The following PPP2R2B variants were observed in gnomAD, a reference collection of about 807,000 sequenced individuals.
The protein encoded by PPP2R2B is protein phosphatase 2 regulatory subunit Bbeta.
PPP2R2B carries 5 observed loss-of-function variants against 46.0 expected under a neutral mutation model. The ratio of observed to expected loss-of-function variants is 0.11; its 90% CI spans 0.06 to 0.23. The LOEUF is 0.23. Ranked by LOEUF, PPP2R2B falls within the 10% of genes least tolerant of loss-of-function variation. The pLI is 1.00. For synonymous variants in PPP2R2B, 215 were observed against 206.7 expected, an observed-to-expected ratio of 1.04 and a Z score of -0.34; for missense variants, 367 against 575.0, an observed-to-expected ratio of 0.64 and a Z score of 3.70.
intron 7 of PPP2R2B, among the ~76,000 whole-genome samples, chr5:146,628,256 A>C (rs1774193758): frequency 6.6e-6 from 1 of 152,164 alleles, no homozygotes. Context: ...AACATCTCAG[A>C]TTTTAAGGTC....
chr5:146,619,101 C>T (rs1409099987), intron 7 of PPP2R2B, among the ~76,000 whole-genome samples: 3 of 152,096 alleles, frequency 2.0e-5, no homozygotes, highest in Non-Finnish European at 2.9e-5. Context: ...CCATCTACTA[C>T]TCATTTGCAC....
At chr5:147,054,628 T>A (rs1561602702) in intron 1 of PPP2R2B, 1 of 456,248 alleles carries the variant, frequency 2.2e-6, no homozygotes, top group Admixed American at 2.3e-5. Flanking sequence ...TCCTTCATTA[T>A]AAACACACAG....
chr5:146,689,981 A>G (rs1170428398), intron 5 of PPP2R2B, among the ~76,000 whole-genome samples: 1 of 152,260 alleles, frequency 6.6e-6, no homozygotes, highest in African/African-American at 2.4e-5. Context: ...TAACTGCTGA[A>G]TAAGCAGATG....
rs1393209497 is a variant in PPP2R2B at position 146,707,156 on chromosome 5, T to A, written c.71-6014A>T. 15 of 1,595,990 alleles carry A rather than the reference T, an allele frequency of 9.4e-6. No homozygotes were observed. In the South Asian group the frequency reaches 1.4e-4, roughly 15 times the overall value. On this transcript the variant is annotated intron_variant, in intron 2 of 9. Transcript: ENST00000394411. ...AGCTTCAGCTTCTCCTGGCCCAGAG[T>A]CTCCAGCTGCCGCCTAAGGCTGTTG...
intron 1 of PPP2R2B, among the ~76,000 whole-genome samples, chr5:147,002,361 T>C (rs1001867910): frequency 6.6e-6 from 1 of 152,086 alleles, no homozygotes; most frequent in African/African-American, 2.4e-5. Flanking sequence ...ATCCTTCTGT[T>C]CATATAAGTG....
chr5:146,845,132 G>T (rs1401259177), intron 2 of PPP2R2B, among the ~76,000 whole-genome samples: 1 of 151,974 alleles, frequency 6.6e-6, no homozygotes, highest in African/African-American at 2.4e-5. Context: ...TCTTCTACTT[G>T]ATTAGCTTTC....
At chr5:146,725,217 C>T (rs528114550) in intron 2 of PPP2R2B, among the ~76,000 whole-genome samples, 2 of 152,146 alleles carry the variant, frequency 1.3e-5, no homozygotes, top group East Asian at 1.9e-4. Flanking sequence ...TTTGAGTACC[C>T]GACTGTATTT....
At chr5:146,917,575 G>T (rs1018476567) in intron 1 of PPP2R2B, among the ~76,000 whole-genome samples, 2 of 152,182 alleles carry the variant, frequency 1.3e-5, no homozygotes, top group African/African-American at 2.4e-5. Flanking sequence ...ACAATTAATG[G>T]TAGAGTTGGT....
intron 7 of PPP2R2B, among the ~76,000 whole-genome samples, chr5:146,630,402 C>G (rs1774347333): frequency 6.6e-6 from 1 of 152,178 alleles, no homozygotes; most frequent in Admixed American, 6.5e-5. Flanking sequence ...AAAGTATGGT[C>G]CTTAAAGGCA....
chr5:146,755,060 A>T (rs1407398329), intron 2 of PPP2R2B, among the ~76,000 whole-genome samples: 4 of 152,186 alleles, frequency 2.6e-5, no homozygotes, highest in Admixed American at 1.3e-4. Context: ...ATAAACATAA[A>T]TTTTTAAATA....
At chr5:146,885,823 A>G (rs969651858) in intron 1 of PPP2R2B, among the ~76,000 whole-genome samples, 1 of 152,230 alleles carries the variant, frequency 6.6e-6, no homozygotes, top group Non-Finnish European at 1.5e-5. Flanking sequence ...ACATGCCACA[A>G]CATAGATGAA....
chr5:146,601,101 C>G (rs189022241), intron 7 of PPP2R2B, among the ~76,000 whole-genome samples: 1 of 152,160 alleles, frequency 6.6e-6, no homozygotes, highest in Admixed American at 6.5e-5. Context: ...TCATCCATGT[C>G]GTAGCATGTA....
intron 2 of PPP2R2B, among the ~76,000 whole-genome samples, chr5:146,721,947 C>A (rs1780829567): frequency 1.3e-5 from 2 of 152,190 alleles, no homozygotes; most frequent in Admixed American, 1.3e-4. Context: ...GATATGCATA[C>A]CCACACAGCA....
intron 1 of PPP2R2B, among the ~76,000 whole-genome samples, chr5:146,970,632 CAGA>C (rs2151848064): frequency 6.6e-6 from 1 of 152,030 alleles, no homozygotes; most frequent in South Asian, 2.1e-4. Context: ...AAGGGAAGAC[CAGA>C]AGGTTAGACC....
intron 2 of PPP2R2B, among the ~76,000 whole-genome samples, chr5:146,723,047 T>A (rs1751625435): frequency 6.6e-6 from 1 of 152,220 alleles, no homozygotes; most frequent in African/African-American, 2.4e-5. Context: ...TTGACTTTCC[T>A]ATTCTGGGTT....
intron 2 of PPP2R2B, among the ~76,000 whole-genome samples, chr5:146,829,034 C>T (rs1582207796): frequency 1.3e-5 from 2 of 152,054 alleles, no homozygotes; most frequent in Non-Finnish European, 2.9e-5. Flanking sequence ...TAATACAGAC[C>T]TTTTTATGGA....
chr5:146,662,131 G>A (rs1250197164), intron 5 of PPP2R2B, among the ~76,000 whole-genome samples: 1 of 152,070 alleles, frequency 6.6e-6, no homozygotes, highest in Non-Finnish European at 1.5e-5. Context: ...GTATCACACT[G>A]CATTCTGTCA....
chr5:146,640,691 T>G lies in PPP2R2B; in HGVS notation c.626-2276A>C, dbSNP rs983735814. On this transcript the variant is annotated intron_variant, in intron 6 of 9. Coordinates refer to ENST00000394411, the MANE Select transcript of PPP2R2B (RefSeq NM_181675.4). ...AAAACAAGCTGAACTGGAAGGGATC[T>G]TCGCTGTGTGGGAGGGGGAGGTGCT... 3.3e-5 allele frequency among the ~76,000 whole-genome samples: 5 copies of G among 152,238 alleles called. No homozygotes were observed. In the East Asian group the frequency reaches 9.6e-4, roughly 29 times the overall value.
intron 4 of PPP2R2B, 57 bp downstream of exon 4, chr5:146,697,922 A>G: frequency 6.0e-6 from 9 of 1,496,410 alleles, no homozygotes; most frequent in Non-Finnish European, 8.2e-6. Context: ...AGAGAGATTG[A>G]AGTATATAGT....
Sources: gnomAD v4.1 joint callset for allele counts (sites outside exome capture counted in the v4.1 genomes callset) on GRCh38, gnomAD v4.1.1 for gene constraint, MANE v1.5 for transcripts, NCBI Gene and HGNC (gene_info 2026-07-23, HGNC 2026-07-21) for gene names.